COL8A1: variants seen among roughly 807,000 people sequenced by gnomAD.
COL8A1 encodes the protein collagen alpha-1(VIII) chain.
COL8A1 carries 21 observed loss-of-function variants against 42.7 expected under a neutral mutation model. The observed-to-expected ratio is 0.49, with a 90% CI of 0.35 to 0.71. The LOEUF (loss-of-function observed/expected upper bound fraction) is 0.71. Ranked by LOEUF, COL8A1 falls within the 30% of genes least tolerant of loss-of-function variation. The pLI is 0.01. For missense variants in COL8A1, 788 were observed against 962.4 expected (o/e 0.82, Z 2.40); for synonymous variants, 367 against 369.1 (o/e 0.99, Z 0.06).
chr3:99,757,195 T>G (rs1941270496), intron 2 of COL8A1, among the ~76,000 whole-genome samples: 2 of 152,126 alleles, frequency 1.3e-5, no homozygotes, highest in African/African-American at 4.8e-5. Flanking sequence ...AGGGGAAAAA[T>G]AAATTAGACA....
chr3:99,722,070 C>A (rs1470142028), intron 1 of COL8A1, among the ~76,000 whole-genome samples: 1 of 151,952 alleles, frequency 6.6e-6, no homozygotes, highest in African/African-American at 2.4e-5. Context: ...TTTTCAATGC[C>A]CTACTTTTGA....
chr3:99,785,884 T>C (rs1941885083), intron 2 of COL8A1, among the ~76,000 whole-genome samples: 1 of 152,184 alleles, frequency 6.6e-6, no homozygotes, highest in Admixed American at 6.6e-5. Context: ...TGAGATACTT[T>C]GTTATGACAA....
At chr3:99,689,503 T>C (rs532529138) in intron 1 of COL8A1, among the ~76,000 whole-genome samples, 2 of 152,340 alleles carry the variant, frequency 1.3e-5, no homozygotes, top group Non-Finnish European at 2.9e-5. Flanking sequence ...ACCCATTTCT[T>C]GGTTAATCCC....
At chr3:99,791,266 C>A (rs1431299357) in intron 3 of COL8A1, among the ~76,000 whole-genome samples, 1 of 152,184 alleles carries the variant, frequency 6.6e-6, no homozygotes, top group Non-Finnish European at 1.5e-5. Context: ...CACAAATAGT[C>A]TATCCCCTTA....
At chr3:99,663,464 A>G (rs1349584015) in intron 1 of COL8A1, among the ~76,000 whole-genome samples, 1 of 152,040 alleles carries the variant, frequency 6.6e-6, no homozygotes, top group African/African-American at 2.4e-5. Flanking sequence ...AGCAAATACC[A>G]GTTGTTTGGG....
chr3:99,650,626 G>T (rs187175532), intron 1 of COL8A1, among the ~76,000 whole-genome samples: 2 of 151,994 alleles, frequency 1.3e-5, no homozygotes, highest in Non-Finnish European at 2.9e-5. Context: ...TAGAGACAGG[G>T]TTTCACCATG....
chr3:99,733,397 T>C (rs1183619322), intron 1 of COL8A1, among the ~76,000 whole-genome samples: 2 of 137,088 alleles, frequency 1.5e-5, no homozygotes, highest in Non-Finnish European at 3.1e-5. Flanking sequence ...GAATATGTGG[T>C]GTTTGGTTTT....
intron 1 of COL8A1, among the ~76,000 whole-genome samples, chr3:99,672,484 T>C (rs192322174): frequency 0.012 from 1,831 of 151,802 alleles, 47 homozygotes; most frequent in African/African-American, 0.041. Context: ...TGAGGTTTTT[T>C]AAAAATTTTA....
intron 1 of COL8A1, among the ~76,000 whole-genome samples, chr3:99,695,804 G>C (rs972182016): frequency 1.3e-5 from 2 of 152,144 alleles, no homozygotes; most frequent in Admixed American, 6.5e-5. Flanking sequence ...TTGCCCCCAA[G>C]CCTGGCACAT....
intron 1 of COL8A1, among the ~76,000 whole-genome samples, chr3:99,718,578 T>A (rs1244364150): frequency 6.6e-6 from 1 of 152,018 alleles, no homozygotes; most frequent in Admixed American, 6.6e-5. Context: ...GTAGAGGAAA[T>A]CCACTTGAAA....
intron 2 of COL8A1, among the ~76,000 whole-genome samples, chr3:99,786,766 T>C (rs793497): frequency 0.57 from 85,613 of 149,970 alleles, 24,618 homozygotes; most frequent in East Asian, 0.72. Context: ...GTTCTGAGTG[T>C]TCAATAGGTG....
At chr3:99,688,748 G>A (rs78687260) in intron 1 of COL8A1, among the ~76,000 whole-genome samples, 5,321 of 152,196 alleles carry the variant, frequency 0.035, 150 homozygotes, top group East Asian at 0.062. Context: ...AATATGCCCA[G>A]TGAGCCCGTG....
chr3:99,743,955 G>T (rs1485579538), intron 1 of COL8A1, among the ~76,000 whole-genome samples: 7 of 145,560 alleles, frequency 4.8e-5, no homozygotes, highest in African/African-American at 1.8e-4. Flanking sequence ...TTGAGACGTA[G>T]TCTCACTCTG....
At chr3:99,652,422 G>C (rs1487510056) in intron 1 of COL8A1, among the ~76,000 whole-genome samples, 1 of 152,148 alleles carries the variant, frequency 6.6e-6, no homozygotes, top group African/African-American at 2.4e-5. Flanking sequence ...TTACACATAA[G>C]GCAGTAGAGG....
intron 1 of COL8A1, among the ~76,000 whole-genome samples, chr3:99,651,967 GTA>G (rs752422349): frequency 2.0e-5 from 3 of 152,198 alleles, no homozygotes; most frequent in Non-Finnish European, 4.4e-5. Flanking sequence ...TTATGGGTGT[GTA>G]TTTTCCTCTG....
chr3:99,654,965 T>C (rs1030646114), intron 1 of COL8A1, among the ~76,000 whole-genome samples: 1 of 152,132 alleles, frequency 6.6e-6, no homozygotes, highest in African/African-American at 2.4e-5. Context: ...CATTTATTCA[T>C]TCATTCAATA....
intron 1 of COL8A1, among the ~76,000 whole-genome samples, chr3:99,696,131 C>T (rs1468180615): frequency 6.6e-6 from 1 of 152,072 alleles, no homozygotes; most frequent in Non-Finnish European, 1.5e-5. Flanking sequence ...GAGGCTCCAC[C>T]TCAAAAACAA....
intron 2 of COL8A1, among the ~76,000 whole-genome samples, chr3:99,767,001 A>C (rs1941477509): frequency 6.6e-6 from 1 of 151,938 alleles, no homozygotes; most frequent in Non-Finnish European, 1.5e-5. Flanking sequence ...ATGATATTGC[A>C]TCACAAATTT....
At chr3:99,766,810 G>T (rs540530346) in intron 2 of COL8A1, among the ~76,000 whole-genome samples, 1 of 152,170 alleles carries the variant, frequency 6.6e-6, no homozygotes, top group Non-Finnish European at 1.5e-5. Context: ...TTAGCCAAGT[G>T]TGGTGGCAGG....
Sources: gnomAD v4.1 joint callset for allele counts (sites outside exome capture counted in the v4.1 genomes callset) on GRCh38, gnomAD v4.1.1 for gene constraint, MANE v1.5 for transcripts, NCBI Gene and HGNC (gene_info 2026-07-23, HGNC 2026-07-21) for gene names.